The following SHLD1 variants were observed in gnomAD, a reference collection of about 807,000 sequenced individuals.
SHLD1 encodes shieldin complex subunit 1.
In SHLD1, 3 loss-of-function variants were observed where a neutral mutation model predicts 5.5. The observed-to-expected ratio is 0.54, with a 90% confidence interval of 0.25 to 1.40. SHLD1 has a LOEUF of 1.40. Among genes scored for constraint, SHLD1 ranks in the 40% most tolerant of loss-of-function variants. The probability of loss-of-function intolerance (pLI) is 0.15; values close to 1 mark genes in which losing one functional copy is unlikely to be tolerated. For missense variants in SHLD1, 210 were observed against 244.4 expected (o/e 0.86, Z 0.94); for synonymous variants, 92 against 94.3 (o/e 0.98, Z 0.14).
intron 2 of SHLD1, among the ~76,000 whole-genome samples, chr20:5,860,037 G>A (rs1441467629): frequency 6.6e-6 from 1 of 152,160 alleles, no homozygotes; most frequent in Non-Finnish European, 1.5e-5. Context: ...AACTTTCCCA[G>A]TGTTGTTGGT....
intron 2 of SHLD1, among the ~76,000 whole-genome samples, chr20:5,832,737 A>T (rs1419879589): frequency 6.6e-6 from 1 of 152,094 alleles, no homozygotes; most frequent in Non-Finnish European, 1.5e-5. Flanking sequence ...GAAAGCAGGG[A>T]TCATACAAAC....
intron 2 of SHLD1, among the ~76,000 whole-genome samples, chr20:5,826,445 C>CAAA (rs77355613): frequency 2.5e-4 from 31 of 122,488 alleles, no homozygotes; most frequent in African/African-American, 9.1e-4. Context: ...TATGCACTGT[C>CAAA]AAAAAAAAAA....
chr20:5,760,997 G>C (rs1323611009), intron 1 of SHLD1, among the ~76,000 whole-genome samples: 1 of 152,026 alleles, frequency 6.6e-6, no homozygotes, highest in Non-Finnish European at 1.5e-5. Context: ...ACAAAATGGG[G>C]AGGGGGAGGG....
chr20:5,847,804 CA>C (rs1266194792), intron 2 of SHLD1, among the ~76,000 whole-genome samples: 2 of 152,164 alleles, frequency 1.3e-5, no homozygotes, highest in Non-Finnish European at 2.9e-5. Flanking sequence ...TGTTATTCTA[CA>C]ACCATTTTGG....
chr20:5,809,408 C>T (rs986831840), intron 2 of SHLD1, among the ~76,000 whole-genome samples: 6 of 152,022 alleles, frequency 3.9e-5, no homozygotes, highest in Non-Finnish European at 8.8e-5. Context: ...ACCCTACTGC[C>T]AAGTGTCTGA....
chr20:5,825,761 G>A (rs539678689), intron 2 of SHLD1, among the ~76,000 whole-genome samples: 2 of 152,292 alleles, frequency 1.3e-5, no homozygotes, highest in African/African-American at 4.8e-5. Context: ...AAGTAATAGG[G>A]TGTGCTGTGC....
At position 5,855,498 on chromosome 20, in the gene SHLD1, A is replaced by G. The variant is rs552942886; in HGVS notation, c.179-7526A>G. 3.8e-4 allele frequency among the ~76,000 whole-genome samples: 58 copies of G among 152,182 alleles called. 1 individual carries two copies. The South Asian group carries it at 8.1e-3, about 21-fold the overall frequency. ...GAGATTCTTGTGCCTCAGCCACCCG[A>G]GTAGCTGGGACTACAGGTGCATGTC... On this transcript the variant is annotated intron_variant, in intron 2 of 2. Transcript: ENST00000303142. The surrounding 1 kb of genome is among the most constrained non-coding windows in gnomAD (Gnocchi z 4.4).
intron 2 of SHLD1, among the ~76,000 whole-genome samples, chr20:5,814,744 C>T (rs541714063): frequency 8.6e-4 from 127 of 148,290 alleles, no homozygotes; most frequent in Non-Finnish European, 1.3e-3. Flanking sequence ...CTCACTGCAA[C>T]CTCTGCCTCC....
chr20:5,770,714 A>G (rs1419932267), intron 1 of SHLD1, among the ~76,000 whole-genome samples: 1 of 152,174 alleles, frequency 6.6e-6, no homozygotes, highest in Admixed American at 6.6e-5. Context: ...CCAGCACTAC[A>G]TTATTTCCAG....
At chr20:5,754,467 G>A (rs1256959230) in intron 1 of SHLD1, among the ~76,000 whole-genome samples, 4 of 152,062 alleles carry the variant, frequency 2.6e-5, no homozygotes, top group African/African-American at 9.7e-5. Context: ...CCAAAAAGAG[G>A]TGGTTATAAC....
intron 2 of SHLD1, among the ~76,000 whole-genome samples, chr20:5,794,116 C>T (rs2087179129): frequency 6.6e-6 from 1 of 152,052 alleles, no homozygotes; most frequent in Non-Finnish European, 1.5e-5. Flanking sequence ...GAGTTTTCAC[C>T]TTGATTCTAT....
chr20:5,756,775 C>T (rs190035241), intron 1 of SHLD1: 185 of 288,748 alleles, frequency 6.4e-4, no homozygotes, highest in East Asian at 4.6e-4. Flanking sequence ...CTGCAACCTC[C>T]GTCTTCCATC....
chr20:5,800,709 A>T (rs1194825510), intron 2 of SHLD1, among the ~76,000 whole-genome samples: 1 of 151,870 alleles, frequency 6.6e-6, no homozygotes. Flanking sequence ...AAAAGAATTT[A>T]TGTACAGAGG....
intron 2 of SHLD1, among the ~76,000 whole-genome samples, chr20:5,845,678 G>A (rs888709976): frequency 6.6e-6 from 1 of 152,114 alleles, no homozygotes. Flanking sequence ...TTTCACCCCA[G>A]GCCATGTTAT....
chr20:5,812,063 CTTTTTCTTTTTTTTTTCTTTT>C (rs2087465673), intron 2 of SHLD1, among the ~76,000 whole-genome samples: 1 of 145,068 alleles, frequency 6.9e-6, no homozygotes, highest in Non-Finnish European at 1.5e-5. Flanking sequence ...ACTTCTTTTT[CTTTTTCTTTTTTTTTTCTTTT>C]TTTTTCTTTT....
At chr20:5,772,208 T>G (rs760026507) in intron 1 of SHLD1, 9 of 453,718 alleles carry the variant, frequency 2.0e-5, no homozygotes, top group Non-Finnish European at 4.0e-5. Flanking sequence ...GAAAGTATTT[T>G]GTGGCCTATC....
intron 2 of SHLD1, 169 bp downstream of exon 2, chr20:5,773,212 C>T: frequency 1.3e-6 from 1 of 779,552 alleles, no homozygotes. Flanking sequence ...CTTCAAAGGA[C>T]AGCTTACCTG....
intron 2 of SHLD1, among the ~76,000 whole-genome samples, chr20:5,779,200 TAAA>T (rs58493291): frequency 7.9e-6 from 1 of 125,972 alleles, no homozygotes; most frequent in African/African-American, 2.9e-5. Flanking sequence ...AGACTCTGTC[TAAA>T]AAAAAAAAAA....
chr20:5,823,176 C>A (rs1243087043), intron 2 of SHLD1, among the ~76,000 whole-genome samples: 1 of 152,002 alleles, frequency 6.6e-6, no homozygotes, highest in Non-Finnish European at 1.5e-5. Flanking sequence ...TCCTGGGACC[C>A]CTCCCTCAGC....
Sources: gnomAD v4.1 joint callset for allele counts (sites outside exome capture counted in the v4.1 genomes callset) on GRCh38, gnomAD v4.1.1 for gene constraint, Gnocchi (gnomAD v3.1) non-coding constraint, MANE v1.5 for transcripts, NCBI Gene and HGNC (gene_info 2026-07-23, HGNC 2026-07-21) for gene names.